NFIA: variants seen among roughly 807,000 people sequenced by gnomAD.
NFIA encodes the protein nuclear factor 1 A-type.
Under a neutral mutation model 62.8 loss-of-function variants are expected in NFIA, and 8 were observed. That is an observed-to-expected ratio of 0.13 (90% CI 0.07 to 0.23). The LOEUF (loss-of-function observed/expected upper bound fraction) is 0.23, where lower values mean the gene tolerates loss of function less well. NFIA is among the 10% of genes least tolerant of loss of function. The pLI is 1.00. For missense variants in NFIA, 410 were observed against 642.1 expected (o/e 0.64, Z 3.91); for synonymous variants, 235 against 238.1 (o/e 0.99, Z 0.12).
At chr1:61,281,388 T>C (rs926433053) in intron 3 of NFIA, among the ~76,000 whole-genome samples, 1 of 152,204 alleles carries the variant, frequency 6.6e-6, no homozygotes, top group African/African-American at 2.4e-5. Flanking sequence ...AGTTAAAGCT[T>C]GTCGTATTTA....
chr1:61,396,029 T>C (rs549499821), intron 7 of NFIA, among the ~76,000 whole-genome samples: 12 of 152,324 alleles, frequency 7.9e-5, no homozygotes, highest in African/African-American at 2.6e-4. Flanking sequence ...ATACATCCAC[T>C]AGAGCTTAAA....
At chr1:61,165,091 T>G (rs557042428) in intron 2 of NFIA, among the ~76,000 whole-genome samples, 2 of 152,326 alleles carry the variant, frequency 1.3e-5, no homozygotes, top group South Asian at 2.1e-4. Context: ...ATAAATTTAT[T>G]TCTTGGAAAA....
intron 9 of NFIA, among the ~76,000 whole-genome samples, chr1:61,416,498 A>G (rs1416208027): frequency 6.6e-6 from 1 of 152,054 alleles, no homozygotes; most frequent in African/African-American, 2.4e-5. Context: ...TAAGGTGAGC[A>G]TTTTCATTCA....
chr1:61,138,846 T>C (rs1272143156), intron 2 of NFIA, among the ~76,000 whole-genome samples: 2 of 150,264 alleles, frequency 1.3e-5, no homozygotes, highest in African/African-American at 4.9e-5. Context: ...CCTCCCAAAG[T>C]GCTACTATTA....
At chr1:61,314,649 C>T (rs1660277299) in intron 3 of NFIA, among the ~76,000 whole-genome samples, 1 of 152,154 alleles carries the variant, frequency 6.6e-6, no homozygotes, top group Admixed American at 6.5e-5. Context: ...TACTCTGCCT[C>T]CAACATATAC....
chr1:61,114,636 T>C (rs771676319), intron 2 of NFIA, among the ~76,000 whole-genome samples: 3 of 152,208 alleles, frequency 2.0e-5, no homozygotes, highest in Non-Finnish European at 4.4e-5. Flanking sequence ...ATATTTGCTC[T>C]TCATTGGAAG....
At chr1:61,408,839 A>G (rs1665970778) in intron 9 of NFIA, among the ~76,000 whole-genome samples, 1 of 152,202 alleles carries the variant, frequency 6.6e-6, no homozygotes, top group South Asian at 2.1e-4. Context: ...TTGTTGTGAG[A>G]TCAGTTCTGA....
intron 2 of NFIA, among the ~76,000 whole-genome samples, chr1:61,155,431 T>C (rs1648730950): frequency 6.6e-6 from 1 of 151,132 alleles, no homozygotes; most frequent in Non-Finnish European, 1.5e-5. Context: ...CCCAGCACTT[T>C]GGGAGGCCGA....
chr1:61,286,444 A>T (rs1658506878), intron 3 of NFIA, among the ~76,000 whole-genome samples: 2 of 151,162 alleles, frequency 1.3e-5, no homozygotes, highest in Admixed American at 1.3e-4. Flanking sequence ...AAAAAAAAAA[A>T]TAGAATTGCT....
At chr1:61,398,618 G>A (rs1486408031) in intron 7 of NFIA, among the ~76,000 whole-genome samples, 1 of 152,186 alleles carries the variant, frequency 6.6e-6, no homozygotes, top group African/African-American at 2.4e-5. Context: ...TCTTCGTGAT[G>A]TTAAAAGATA....
chr1:61,323,017 T>A (rs950667566), intron 3 of NFIA, among the ~76,000 whole-genome samples: 3 of 152,162 alleles, frequency 2.0e-5, no homozygotes, highest in African/African-American at 7.2e-5. Flanking sequence ...ACAGATTAGG[T>A]GTCTGTATTG....
At chr1:61,366,288 C>G (rs370325209) in intron 6 of NFIA, among the ~76,000 whole-genome samples, 163 of 151,960 alleles carry the variant, frequency 1.1e-3, no homozygotes, top group African/African-American at 3.8e-3. Context: ...TTTGGCAGAC[C>G]TAAAAAGTAA....
At position 61,402,379 on chromosome 1, in the gene NFIA, G is replaced by C. The variant is rs140410990; in HGVS notation, c.1076-1725G>C. Among the ~76,000 whole-genome samples, 20 of 152,162 alleles carry C rather than the reference G, an allele frequency of 1.3e-4. No individual in the cohort carries two copies. In the East Asian group the frequency reaches 3.9e-3, roughly 29 times the overall value. ...CTAAAAGCTCCCTGGCTCTTGACCA[G>C]GTGGAGAAACCAAGTTTTGGTTTTA... On this transcript the variant is annotated intron_variant, in intron 7 of 10. Coordinates refer to ENST00000403491, the MANE Select transcript of NFIA (RefSeq NM_001134673.4).
chr1:61,437,767 T>C (rs1248846535), intron 10 of NFIA, among the ~76,000 whole-genome samples: 1 of 152,124 alleles, frequency 6.6e-6, no homozygotes, highest in African/African-American at 2.4e-5. Context: ...GAGACAGATA[T>C]ACTTGGTGGG....
rs183063510 is a variant in NFIA, at chr1:61,082,590, A to G, written c.-202A>G. 139 of 1,482,950 alleles carry G rather than the reference A, an allele frequency of 9.4e-5. No individual in the cohort carries two copies. The highest frequency in any genetic ancestry group is 1.1e-4 in the Non-Finnish European group (121 of 1,112,052). 91.9% of individuals were successfully genotyped at this position (1,482,950 alleles called of 1,614,324 possible). ...TTAAAGTTCAGCTCATGGAGCGGCA[A>G]TAGCGCTGGCTGGCTGGCTGCAGTT... On this transcript the variant is annotated 5_prime_UTR_variant, in exon 1 of 11. Transcript: ENST00000403491.
intron 2 of NFIA, among the ~76,000 whole-genome samples, chr1:61,184,120 A>G (rs1306361950): frequency 6.2e-5 from 9 of 144,304 alleles, no homozygotes; most frequent in African/African-American, 1.8e-4. Flanking sequence ...GGGGGGAAAA[A>G]AAACCAAAAA....
intron 7 of NFIA, among the ~76,000 whole-genome samples, chr1:61,402,335 G>T (rs909891344): frequency 3.3e-5 from 5 of 152,092 alleles, no homozygotes; most frequent in Admixed American, 3.3e-4. Flanking sequence ...ACCGTACCAG[G>T]CCAGTTTTAC....
At chr1:61,258,987 C>T (rs1199219710) in intron 2 of NFIA, among the ~76,000 whole-genome samples, 1 of 152,180 alleles carries the variant, frequency 6.6e-6, no homozygotes, top group Admixed American at 6.5e-5. Context: ...TCCCAAAGTG[C>T]TGGGATTACA....
At chr1:61,335,669 C>G (rs183432444) in intron 4 of NFIA, among the ~76,000 whole-genome samples, 31 of 152,058 alleles carry the variant, frequency 2.0e-4, no homozygotes, top group African/African-American at 6.7e-4. Flanking sequence ...ATGGAGAAAC[C>G]CCATCTCTAC....
Sources: gnomAD v4.1 joint callset for allele counts (sites outside exome capture counted in the v4.1 genomes callset) on GRCh38, gnomAD v4.1.1 for gene constraint, MANE v1.5 for transcripts, NCBI Gene and HGNC (gene_info 2026-07-23, HGNC 2026-07-21) for gene names.